The following PABPC4L variants were observed in gnomAD, a reference collection of about 807,000 sequenced individuals.
PABPC4L encodes polyadenylate-binding protein 4-like.
For synonymous variants in PABPC4L, 169 were observed against 164.1 expected (o/e 1.03, Z -0.23); for missense variants, 452 against 451.4 (o/e 1.00, Z -0.01).
chr4:134,189,429 A>G, the PABPC4L span, among the ~76,000 whole-genome samples: 51 of 151,674 alleles, frequency 3.4e-4, no homozygotes, highest in Middle Eastern at 3.4e-3. Context: ...TATACATGGT[A>G]TATATGGTAT....
the PABPC4L span, among the ~76,000 whole-genome samples, chr4:134,123,064 G>A: frequency 2.6e-5 from 4 of 151,940 alleles, no homozygotes; most frequent in African/African-American, 4.8e-5. Context: ...AGGAAATACA[G>A]GGTTAGGTAC....
the PABPC4L span, among the ~76,000 whole-genome samples, chr4:134,059,602 A>G: frequency 6.6e-6 from 1 of 151,456 alleles, no homozygotes; most frequent in Admixed American, 6.6e-5. Context: ...TATGAACAAG[A>G]TATCATAAAA....
chr4:133,997,620 T>C, the PABPC4L span, among the ~76,000 whole-genome samples: 2 of 152,166 alleles, frequency 1.3e-5, no homozygotes. Flanking sequence ...TAAGAAGATG[T>C]GTGACTCATG....
At chr4:134,096,107 C>T in the PABPC4L span, among the ~76,000 whole-genome samples, 2 of 151,950 alleles carry the variant, frequency 1.3e-5, no homozygotes, top group Non-Finnish European at 2.9e-5. Flanking sequence ...CTTTACTTGG[C>T]ACACTATCAG....
chr4:134,100,324 A>T, the PABPC4L span, among the ~76,000 whole-genome samples: 2 of 151,862 alleles, frequency 1.3e-5, no homozygotes, highest in East Asian at 1.9e-4. Flanking sequence ...TTATAAATAT[A>T]AAAACTTTAA....
the PABPC4L span, among the ~76,000 whole-genome samples, chr4:134,087,764 A>G: frequency 6.6e-6 from 1 of 152,106 alleles, no homozygotes; most frequent in African/African-American, 2.4e-5. Flanking sequence ...CTCTACTCTC[A>G]GCACTTTCTC....
At chr4:133,955,982 T>C in the PABPC4L span, among the ~76,000 whole-genome samples, 1 of 152,156 alleles carries the variant, frequency 6.6e-6, no homozygotes, top group Non-Finnish European at 1.5e-5. Context: ...ATCAGCCCTT[T>C]GGTGGCTTAT....
At chr4:134,034,382 C>T in the PABPC4L span, among the ~76,000 whole-genome samples, 1 of 151,884 alleles carries the variant, frequency 6.6e-6, no homozygotes, top group Non-Finnish European at 1.5e-5. Context: ...ATTAACACAA[C>T]ATCCATTATA....
Position 134,200,984 on chromosome 4 carries a change from C to A in PABPC4L, c.36G>T (p.Leu12=), listed in dbSNP as rs1275716484. ...CATCTGCATGTAAGTCACCCACATA[C>A]AGGGAGGCCATGCGGTACTTGGCTG... The part of the protein sequence containing the change: ...NVAAKYRMAS[L]YVGDLHADVT... Residue 12 remains leucine, a synonymous_variant, in exon 2 of 2, where the codon CTG becomes CTT. Coordinates refer to ENST00000421491, the MANE Select transcript of PABPC4L (RefSeq NM_001114734.2). The A allele has an allele frequency of 6.4e-7, 1 of 1,552,734 alleles. No individual in the cohort carries two copies. The highest frequency in any genetic ancestry group is 8.7e-7 in the Non-Finnish European group (1 of 1,147,538).
chr4:134,169,535 G>A, the PABPC4L span, among the ~76,000 whole-genome samples: 1 of 151,862 alleles, frequency 6.6e-6, no homozygotes, highest in Admixed American at 6.6e-5. Context: ...CTTATATTTA[G>A]AGAAACCTCA....
chr4:134,056,714 G>C, the PABPC4L span, among the ~76,000 whole-genome samples: 1 of 151,786 alleles, frequency 6.6e-6, no homozygotes, highest in Non-Finnish European at 1.5e-5. Context: ...AAATACAATT[G>C]ATTTTTTACT....
At chr4:134,137,935 A>C in the PABPC4L span, among the ~76,000 whole-genome samples, 1 of 151,868 alleles carries the variant, frequency 6.6e-6, no homozygotes, top group South Asian at 2.1e-4. Context: ...CTCACTTAAC[A>C]AGGGACAGAA....
At chr4:134,068,934 TCC>T in the PABPC4L span, among the ~76,000 whole-genome samples, 1 of 152,164 alleles carries the variant, frequency 6.6e-6, no homozygotes, top group Admixed American at 6.5e-5. Flanking sequence ...GGTCTCGAAC[TCC>T]TGACCTCAGG....
chr4:134,009,143 A>T, the PABPC4L span, among the ~76,000 whole-genome samples: 1 of 151,886 alleles, frequency 6.6e-6, no homozygotes, highest in Non-Finnish European at 1.5e-5. Context: ...AAGTAAGAAC[A>T]AGTCACTCTT....
At chr4:134,096,166 T>C in the PABPC4L span, among the ~76,000 whole-genome samples, 2 of 151,998 alleles carry the variant, frequency 1.3e-5, no homozygotes, top group African/African-American at 4.8e-5. Context: ...TTTTTATTTA[T>C]TTTATTGCCA....
chr4:134,012,145 A>G, the PABPC4L span, among the ~76,000 whole-genome samples: 1 of 152,120 alleles, frequency 6.6e-6, no homozygotes, highest in Non-Finnish European at 1.5e-5. Flanking sequence ...TAATTTCTTC[A>G]TCTGTAAAAC....
At chr4:134,143,842 G>A in the PABPC4L span, among the ~76,000 whole-genome samples, 1 of 151,376 alleles carries the variant, frequency 6.6e-6, no homozygotes, top group East Asian at 1.9e-4. Flanking sequence ...CTATTTTATA[G>A]TGATCTCTGT....
At chr4:133,989,277 A>G in the PABPC4L span, among the ~76,000 whole-genome samples, 1 of 152,124 alleles carries the variant, frequency 6.6e-6, no homozygotes, top group Non-Finnish European at 1.5e-5. Context: ...CTTTTCTATC[A>G]CATCATCAGA....
the PABPC4L span, among the ~76,000 whole-genome samples, chr4:134,023,856 T>A: frequency 6.6e-6 from 1 of 152,122 alleles, no homozygotes; most frequent in Admixed American, 6.6e-5. Context: ...TGAATATGAT[T>A]TTTCCAAATT....
Sources: allele counts gnomAD v4.1 joint callset (sites outside exome capture counted in the v4.1 genomes callset), GRCh38; gene constraint gnomAD v4.1.1; transcripts MANE v1.5; gene names NCBI Gene and HGNC (gene_info 2026-07-23, HGNC 2026-07-21).